The following PCBP3 variants were observed in gnomAD, a reference collection of about 807,000 sequenced individuals.
PCBP3 encodes the protein poly(rC) binding protein 3.
PCBP3 carries 25 observed loss-of-function variants against 52.7 expected under a neutral mutation model. That is an observed-to-expected ratio of 0.47 (90% CI 0.35 to 0.66). PCBP3 has a LOEUF of 0.66. Among genes scored for constraint, PCBP3 ranks in the 30% least tolerant of loss-of-function variants. PCBP3 has a pLI of 0.01. For synonymous variants in PCBP3, 162 were observed against 183.0 expected (o/e 0.89, Z 0.93); for missense variants, 391 against 490.3 (o/e 0.80, Z 1.91).
chr21:45,931,684 CAAACACGTCGGCCATGCTGTCCTGAGAT>C (rs2076194491), intron 15 of PCBP3, among the ~76,000 whole-genome samples: 3 of 146,458 alleles, frequency 2.0e-5, no homozygotes, highest in East Asian at 2.1e-4. Context: ...CTGAGATGAA[CAAACACGTCGGCCATGCTGTCCTGAGAT>C]GAACAAACAC....
At chr21:45,931,722 CGT>C (rs2076204519) in intron 15 of PCBP3, among the ~76,000 whole-genome samples, 2 of 152,008 alleles carry the variant, frequency 1.3e-5, no homozygotes, top group Non-Finnish European at 2.9e-5. Flanking sequence ...TGAACAAACA[CGT>C]CGGCCGTGCC....
At chr21:45,692,987 C>G (rs968084166) in intron 2 of PCBP3, among the ~76,000 whole-genome samples, 2 of 152,130 alleles carry the variant, frequency 1.3e-5, no homozygotes, top group Non-Finnish European at 2.9e-5. Flanking sequence ...TCAATGTAAT[C>G]ATCATCATTC....
intron 2 of PCBP3, chr21:45,673,494 G>A (rs2081291801): frequency 6.6e-6 from 1 of 152,162 alleles, no homozygotes; most frequent in Non-Finnish European, 1.5e-5. Context: ...TTAAGTTGCA[G>A]TGATGTGGAT....
intron 4 of PCBP3, among the ~76,000 whole-genome samples, chr21:45,809,686 A>G (rs1441513525): frequency 6.6e-6 from 1 of 152,262 alleles, no homozygotes; most frequent in Non-Finnish European, 1.5e-5. Flanking sequence ...AGCAGCTGCT[A>G]TGCTGCGATC....
chr21:45,922,752 G>C (rs1396613013), intron 13 of PCBP3, among the ~76,000 whole-genome samples: 1 of 152,212 alleles, frequency 6.6e-6, no homozygotes, highest in Non-Finnish European at 1.5e-5. Context: ...CTGTGAGGCA[G>C]ATCTCAGGAC....
intron 4 of PCBP3, among the ~76,000 whole-genome samples, chr21:45,796,569 T>C (rs532935280): frequency 6.6e-6 from 1 of 152,310 alleles, no homozygotes; most frequent in Non-Finnish European, 1.5e-5. Context: ...TGTCTTCTAA[T>C]TTCATCTTTA....
intron 4 of PCBP3, among the ~76,000 whole-genome samples, chr21:45,776,506 C>G (rs190779649): frequency 2.0e-5 from 3 of 151,654 alleles, no homozygotes; most frequent in Non-Finnish European, 4.4e-5. Flanking sequence ...CTGTCTCCCT[C>G]TTTAGATCTA....
intron 5 of PCBP3, among the ~76,000 whole-genome samples, chr21:45,883,325 G>A (rs2095444393): frequency 6.6e-6 from 1 of 152,160 alleles, no homozygotes; most frequent in African/African-American, 2.4e-5. Flanking sequence ...GTCTATCCTG[G>A]TATAGATTCT....
intron 5 of PCBP3, chr21:45,872,814 T>G (rs1433976503): frequency 6.6e-6 from 1 of 152,240 alleles, no homozygotes; most frequent in Non-Finnish European, 1.5e-5. Context: ...GGGTTCTCCT[T>G]TAATTTATCA....
chr21:45,679,976 C>T (rs867607212), intron 2 of PCBP3, among the ~76,000 whole-genome samples: 2 of 152,326 alleles, frequency 1.3e-5, no homozygotes, highest in Middle Eastern at 3.4e-3. Flanking sequence ...GTTGCCTTTG[C>T]AATTCTCCAA....
chr21:45,747,447 C>T (rs950768628), intron 3 of PCBP3, among the ~76,000 whole-genome samples: 21 of 152,242 alleles, frequency 1.4e-4, no homozygotes, highest in African/African-American at 5.1e-4. Flanking sequence ...CCTGCTGAGC[C>T]TCCTGGACTC....
Position 45,880,700 on chromosome 21 carries a change from A to G in PCBP3, c.11-15508A>G, listed in dbSNP as rs1242719485. ...TGCCAGGGTGGCCCCAGGTGACTGC[A>G]GCAGGGCCAGGAGAGACGGGGTTGT... On this transcript the variant is annotated intron_variant, in intron 5 of 17. Transcript: ENST00000681687. The surrounding 1 kb of genome is among the most constrained non-coding windows in gnomAD (Gnocchi z 5.4). 1.3e-5 allele frequency among the ~76,000 whole-genome samples: 2 copies of G among 152,146 alleles called. No homozygotes were observed. Among genetic ancestry groups the G allele is most frequent in the South Asian group, 2.1e-4 (1 of 4,820 alleles).
rs114293185 is a variant in PCBP3 at position 45,817,757 on chromosome 21, T to A, written c.-125-32204T>A. On this transcript the variant is annotated intron_variant, in intron 4 of 17. Coordinates refer to ENST00000681687, the MANE Select transcript of PCBP3 (RefSeq NM_001384156.1). This position sits in a 1 kb window ranked among gnomAD's most constrained non-coding sequence, Gnocchi z 4.3. ...AATTCTTAAGGTTTTTACTGTGGGA[T>A]CATAAGTCCTTACTCCTTCATGGTT... is the stretch of plus-strand genomic sequence containing the variant. 3.6e-3 allele frequency among the ~76,000 whole-genome samples: 552 copies of A among 152,330 alleles called. 2 individuals are homozygous for A. Among genetic ancestry groups the A allele is most frequent in the African/African-American group, 0.013 (534 of 41,572 alleles).
At position 45,700,641 on chromosome 21, in the gene PCBP3, C is replaced by T. The variant is rs557977124; in HGVS notation, c.-200+31689C>T. ...ACTGCGCAGTGTGCCATAGGTATCC[C>T]GTGCATGTGAGTGAGCCAGCCAGAG... On this transcript the variant is annotated intron_variant, in intron 2 of 17. Coordinates refer to ENST00000681687, the MANE Select transcript of PCBP3 (RefSeq NM_001384156.1). Among the ~76,000 whole-genome samples, 7 of 152,250 alleles carry T rather than the reference C, an allele frequency of 4.6e-5. No homozygotes were observed. The East Asian group carries it at 7.7e-4, about 17-fold the overall frequency.
At chr21:45,647,647 G>T (rs1311642986) in intron 1 of PCBP3, among the ~76,000 whole-genome samples, 1 of 152,174 alleles carries the variant, frequency 6.6e-6, no homozygotes, top group Non-Finnish European at 1.5e-5. Flanking sequence ...GTGGTGTGGA[G>T]GCTGGAGGTA....
chr21:45,836,679 C>T (rs1019055486), intron 4 of PCBP3, among the ~76,000 whole-genome samples: 70 of 151,964 alleles, frequency 4.6e-4, no homozygotes, highest in African/African-American at 1.6e-3. Flanking sequence ...CCCATGCTGC[C>T]GTGGGTGCTT....
chr21:45,707,202 C>T (rs985390344), intron 2 of PCBP3, among the ~76,000 whole-genome samples: 2 of 152,092 alleles, frequency 1.3e-5, no homozygotes, highest in African/African-American at 2.4e-5. Context: ...TTAGCGTGCA[C>T]GAGTCACCTG....
chr21:45,648,809 A>G (rs538600808), intron 1 of PCBP3, among the ~76,000 whole-genome samples: 1 of 152,246 alleles, frequency 6.6e-6, no homozygotes, highest in South Asian at 2.1e-4. Flanking sequence ...GTATTCTTAT[A>G]TTGTTTGTCC....
Position 45,860,526 on chromosome 21 carries a change from T to G in PCBP3, c.10+10431T>G, listed in dbSNP as rs546077916. On this transcript the variant is annotated intron_variant, in intron 5 of 17. Transcript: ENST00000681687. ...CCGAAATGGTTGGAAAACAGAAGGG[T>G]TCCATGGAGAAATGGCAGATTCTGG... Among the ~76,000 whole-genome samples, 51 of 152,202 alleles carry G rather than the reference T, an allele frequency of 3.4e-4. 1 individual carries two copies. The highest frequency in any genetic ancestry group is 1.2e-3 in the African/African-American group (50 of 41,508).
Sources: gnomAD v4.1 joint callset for allele counts (sites outside exome capture counted in the v4.1 genomes callset) on GRCh38, gnomAD v4.1.1 for gene constraint, Gnocchi (gnomAD v3.1) non-coding constraint, MANE v1.5 for transcripts, NCBI Gene and HGNC (gene_info 2026-07-23, HGNC 2026-07-21) for gene names.